Variants in MYOF observed in about 807,000 individuals in gnomAD.
MYOF encodes fer-1-like 3, myoferlin.
A neutral mutation model predicts 284.2 loss-of-function variants in MYOF; 244 were observed. That is an observed-to-expected ratio of 0.86 (90% CI 0.77 to 0.95). The LOEUF is 0.95. MYOF is among the 40% of genes least tolerant of loss of function. The probability of loss-of-function intolerance (pLI) is 0.00; values close to 1 mark genes in which losing one functional copy is unlikely to be tolerated. For synonymous variants in MYOF, 904 were observed against 919.7 expected, an observed-to-expected ratio of 0.98 and a Z score of 0.31; for missense variants, 2,496 against 2,560.6, an observed-to-expected ratio of 0.97 and a Z score of 0.54.
intron 9 of MYOF, among the ~76,000 whole-genome samples, chr10:93,403,314 T>C (rs1847392015): frequency 6.6e-6 from 1 of 152,262 alleles, no homozygotes; most frequent in Non-Finnish European, 1.5e-5. Context: ...AACCATTGAC[T>C]GGGCACTTCA....
At chr10:93,412,183 C>A (rs565327632) in intron 5 of MYOF, among the ~76,000 whole-genome samples, 3 of 152,294 alleles carry the variant, frequency 2.0e-5, no homozygotes, top group Non-Finnish European at 2.9e-5. Flanking sequence ...GAGCTAAAAC[C>A]AGGACCAAGT....
At chr10:93,350,077 G>T (rs1042405116) in intron 35 of MYOF, 108 bp from the exon 36 acceptor site, 4 of 1,129,582 alleles carry the variant, frequency 3.5e-6, no homozygotes, top group Non-Finnish European at 3.7e-6. Context: ...AGATTAATTT[G>T]AACATTATCC....
chr10:93,350,809 A>G (rs898904848), intron 35 of MYOF, among the ~76,000 whole-genome samples: 1 of 152,142 alleles, frequency 6.6e-6, no homozygotes, highest in African/African-American at 2.4e-5. Context: ...ATCAGCTTGT[A>G]TCTGACATGT....
chr10:93,427,242 G>A (rs145830263), intron 4 of MYOF, among the ~76,000 whole-genome samples: 45 of 151,690 alleles, frequency 3.0e-4, no homozygotes, highest in Admixed American at 1.5e-3. Context: ...AGAACTTTAA[G>A]TGACTAACAA....
At chr10:93,318,775 G>A (rs1842730712) in intron 49 of MYOF, among the ~76,000 whole-genome samples, 1 of 152,034 alleles carries the variant, frequency 6.6e-6, no homozygotes, top group Non-Finnish European at 1.5e-5. Context: ...ACAAAAAATA[G>A]TGCTTACTAC....
intron 45 of MYOF, among the ~76,000 whole-genome samples, chr10:93,326,203 C>A (rs1014122559): frequency 3.3e-5 from 5 of 152,132 alleles, no homozygotes; most frequent in Non-Finnish European, 7.3e-5. Flanking sequence ...GCCAGGACAC[C>A]AGAACGGGTA....
rs1418923879 is a variant in MYOF, at chr10:93,364,009, G to A, written c.2820C>T (p.Arg940=). 6.2e-7 allele frequency: 1 copy of A among 1,614,208 alleles called. No homozygotes were observed. Among genetic ancestry groups the A allele is most frequent in the South Asian group, 1.1e-5 (1 of 91,086 alleles). The change falls in exon 27 of 54, where the codon CGC becomes CGT. Residue 940 remains arginine, a synonymous_variant. Transcript: ENST00000359263. ...CCGGCTTCCAGTCGCCCCCGGGGTAGCGGCTCTCGTTCTGATAGACTTCAT... is the reference window on the plus strand; with the variant it reads ...CCGGCTTCCAGTCGCCCCCGGGGTAACGGCTCTCGTTCTGATAGACTTCAT... ...FTDEVYQNES[R]YPGGDWKPAE...
chr10:93,354,947 T>C (rs532459725), intron 31 of MYOF, among the ~76,000 whole-genome samples: 12 of 152,332 alleles, frequency 7.9e-5, no homozygotes, highest in Non-Finnish European at 1.2e-4. Context: ...ATATAAGCAT[T>C]TGCTAATATT....
Position 93,395,469 on chromosome 10 carries a change from C to T in MYOF, c.1417+673G>A, listed in dbSNP as rs1303220017. Reference sequence around the variant, plus strand: ...AAAAATAAATAAGCTGCTGGTATTACTGTGTTAACATTAATTTTTTCTCTT... The same window carrying T: ...AAAAATAAATAAGCTGCTGGTATTATTGTGTTAACATTAATTTTTTCTCTT... On this transcript the variant is annotated intron_variant, in intron 16 of 53. Coordinates refer to ENST00000359263, the MANE Select transcript of MYOF (RefSeq NM_013451.4). Among the ~76,000 whole-genome samples, 4 of 152,114 alleles carry T rather than the reference C, an allele frequency of 2.6e-5. No homozygotes were observed. The South Asian group carries it at 6.2e-4, about 24-fold the overall frequency.
chr10:93,406,841 A>G (rs1479643308), intron 7 of MYOF, among the ~76,000 whole-genome samples: 1 of 151,466 alleles, frequency 6.6e-6, no homozygotes, highest in East Asian at 1.9e-4. Context: ...TGAATAAAGA[A>G]GTAGGAAAAA....
rs1361191836 is a variant in MYOF at position 93,366,512 on chromosome 10, C to T, written c.2633G>A (p.Gly878Glu). Residue 878 changes from glycine (G) to glutamate (E), a missense_variant, in exon 26 of 54, where the codon GGA becomes GAA. Transcript: ENST00000359263. ...AGAAAACTTATGACGTCCTACTAAT[C>T]CAGAAGTACCCCATTTTCCAAACAT... ...ALMFGKWGTS[G>E]LVGRHKFSDV... 6.2e-7 allele frequency: 1 copy of T among 1,612,248 alleles called. No individual in the cohort carries two copies. The highest frequency in any genetic ancestry group is 8.5e-7 in the Non-Finnish European group (1 of 1,179,546).
At chr10:93,476,849 A>G (rs2057275210) in intron 1 of MYOF, among the ~76,000 whole-genome samples, 2 of 152,218 alleles carry the variant, frequency 1.3e-5, no homozygotes, top group East Asian at 1.9e-4. Context: ...TCTGGAAAAA[A>G]TAAGTAATAA....
chr10:93,462,261 G>T (rs1288861668), intron 1 of MYOF, among the ~76,000 whole-genome samples: 1 of 152,012 alleles, frequency 6.6e-6, no homozygotes, highest in Non-Finnish European at 1.5e-5. Flanking sequence ...GTAAAGACAG[G>T]GTTTCCCCAT....
chr10:93,388,913 A>G, intron 18 of MYOF, 117 bp downstream of exon 18: 1 of 1,328,952 alleles, frequency 7.5e-7, no homozygotes, highest in Non-Finnish European at 1.0e-6. Context: ...CTATCTTTGC[A>G]TTCTAAGTCT....
intron 51 of MYOF, 120 bp from the exon 52 acceptor site, chr10:93,310,763 C>A: frequency 1.1e-6 from 1 of 914,264 alleles, no homozygotes. Context: ...CCTTAGATTG[C>A]CTTCAGTTTT....
chr10:93,434,208 A>G (rs1187150786), intron 3 of MYOF, among the ~76,000 whole-genome samples: 1 of 152,088 alleles, frequency 6.6e-6, no homozygotes. Flanking sequence ...AGGTGGGTGG[A>G]TCACTTGAGG....
rs1028312485 is a variant in MYOF at position 93,356,667 on chromosome 10, G to C, written c.3294+8C>G. On this transcript the variant is annotated splice_region_variant and intron_variant, in intron 30 of 53. Transcript: ENST00000359263. ...ATATGATCTGCGCTCTGGCAACCTA[G>C]TACTTACAAGGGCACCTTCAAGTTT... is the stretch of plus-strand genomic sequence containing the variant. 44 of 1,611,098 alleles carry C rather than the reference G, an allele frequency of 2.7e-5. No homozygotes were observed. The highest frequency in any genetic ancestry group is 3.6e-5 in the Non-Finnish European group (42 of 1,178,932).
At chr10:93,414,871 G>C (rs2134147540) in intron 5 of MYOF, among the ~76,000 whole-genome samples, 1 of 152,142 alleles carries the variant, frequency 6.6e-6, no homozygotes, top group South Asian at 2.1e-4. Flanking sequence ...AGCCTCCTGA[G>C]TAGCTGGGAT....
chr10:93,426,410 C>T (rs1272925180), intron 4 of MYOF, among the ~76,000 whole-genome samples: 1 of 152,126 alleles, frequency 6.6e-6, no homozygotes, highest in Non-Finnish European at 1.5e-5. Context: ...GGGGCCACCT[C>T]ATCAACAGAG....
Sources: allele counts gnomAD v4.1 joint callset (sites outside exome capture counted in the v4.1 genomes callset), GRCh38; gene constraint gnomAD v4.1.1; transcripts MANE v1.5; gene names NCBI Gene and HGNC (gene_info 2026-07-23, HGNC 2026-07-21).